The following MSH3 variants were observed in gnomAD, a reference collection of about 807,000 sequenced individuals.
The protein encoded by MSH3 is mutS homolog 3, also known as DNA mismatch repair protein Msh3.
A neutral mutation model predicts 123.3 loss-of-function variants in MSH3; 106 were observed. The ratio of observed to expected loss-of-function variants is 0.86; its 90% confidence interval spans 0.73 to 1.01. The LOEUF (loss-of-function observed/expected upper bound fraction) is 1.01. Ranked by LOEUF, MSH3 falls within the 50% of genes least tolerant of loss-of-function variation. The pLI, the probability that MSH3 is intolerant of heterozygous loss-of-function variation, is 0.00. For missense variants in MSH3, 1,459 were observed against 1,347.6 expected (o/e 1.08, Z -1.29); for synonymous variants, 515 against 481.4 (o/e 1.07, Z -0.91).
chr5:80,844,598 A>G (rs1171515837), intron 20 of MSH3, among the ~76,000 whole-genome samples: 2 of 152,140 alleles, frequency 1.3e-5, no homozygotes, highest in African/African-American at 2.4e-5. Context: ...TTGGGTGCAT[A>G]TATATTTAGG....
intron 19 of MSH3, among the ~76,000 whole-genome samples, chr5:80,796,794 C>G (rs1157523362): frequency 6.6e-6 from 1 of 152,088 alleles, no homozygotes; most frequent in Admixed American, 6.5e-5. Flanking sequence ...TGTCCCCTTC[C>G]TTGATTCACT....
At chr5:80,664,467 T>C (rs1370420704) in intron 2 of MSH3, among the ~76,000 whole-genome samples, 1 of 142,646 alleles carries the variant, frequency 7.0e-6, no homozygotes, top group Non-Finnish European at 1.5e-5. Context: ...TCAGCATACA[T>C]TGTGTCTGTG....
At chr5:80,860,443 GTTT>G (rs199512437) in intron 21 of MSH3, among the ~76,000 whole-genome samples, 1 of 137,250 alleles carries the variant, frequency 7.3e-6, no homozygotes, top group African/African-American at 2.7e-5. Flanking sequence ...GAGGTTTGTT[GTTT>G]TTTTTTTTTT....
chr5:80,762,102 T>G (rs1347956507), intron 13 of MSH3, among the ~76,000 whole-genome samples: 1 of 152,184 alleles, frequency 6.6e-6, no homozygotes. Flanking sequence ...TGGTAGTTAG[T>G]ATGCAAACAA....
At chr5:80,843,164 T>A (rs955769084) in intron 20 of MSH3, among the ~76,000 whole-genome samples, 1 of 152,214 alleles carries the variant, frequency 6.6e-6, no homozygotes, top group Non-Finnish European at 1.5e-5. Context: ...GAGATAATCA[T>A]GTGGTTTTTG....
chr5:80,863,222 T>C (rs536861042), intron 21 of MSH3, among the ~76,000 whole-genome samples: 7 of 152,250 alleles, frequency 4.6e-5, no homozygotes, highest in Admixed American at 3.9e-4. Flanking sequence ...CTGTAAAATA[T>C]TTGAAGAGAT....
chr5:80,726,685 T>A (rs1743307916), intron 9 of MSH3, among the ~76,000 whole-genome samples: 1 of 152,086 alleles, frequency 6.6e-6, no homozygotes, highest in African/African-American at 2.4e-5. Flanking sequence ...CCTAGGCTGG[T>A]CTTGAACTCC....
intron 10 of MSH3, among the ~76,000 whole-genome samples, chr5:80,739,235 T>C (rs1743568673): frequency 6.6e-6 from 1 of 152,236 alleles, no homozygotes. Context: ...GGTAACTGGT[T>C]AGATACCAAC....
chr5:80,673,893 C>T (rs558713049), intron 6 of MSH3, among the ~76,000 whole-genome samples: 1 of 152,088 alleles, frequency 6.6e-6, no homozygotes, highest in Non-Finnish European at 1.5e-5. Flanking sequence ...GGAATCAGTT[C>T]TCTGATAATG....
Position 80,665,465 on chromosome 5 carries a change from G to C in MSH3, c.579+102G>C. On this transcript the variant is annotated intron_variant, in intron 3 of 23. Transcript: ENST00000265081. Reference sequence around the variant, plus strand: ...ATTCATGGCAATGGTTCCTAAACTTGGATGGTCTTCTGAATCATCTGAGGG... The same window carrying C: ...ATTCATGGCAATGGTTCCTAAACTTCGATGGTCTTCTGAATCATCTGAGGG... The C allele has an allele frequency of 4.5e-6, 4 of 894,060 alleles. 1 individual carries two copies. The highest frequency in any genetic ancestry group is 3.5e-6 in the Non-Finnish European group (2 of 564,650). 55.4% of individuals were successfully genotyped at this position (894,060 alleles called of 1,614,324 possible). A position where few individuals can be genotyped will look rare whatever the true frequency, so the allele number is the denominator to read the frequency against.
intron 2 of MSH3, among the ~76,000 whole-genome samples, chr5:80,658,840 C>T (rs1325519629): frequency 2.0e-5 from 3 of 152,210 alleles, no homozygotes; most frequent in Non-Finnish European, 4.4e-5. Flanking sequence ...CCAAGCCATC[C>T]TCCTGCCTCA....
chr5:80,706,698 T>C (rs1284856092), intron 8 of MSH3, among the ~76,000 whole-genome samples: 1 of 152,208 alleles, frequency 6.6e-6, no homozygotes, highest in East Asian at 1.9e-4. Flanking sequence ...GAGAGATATT[T>C]CTCACCATTG....
chr5:80,806,041 A>G (rs1744884678), intron 19 of MSH3, among the ~76,000 whole-genome samples: 1 of 145,354 alleles, frequency 6.9e-6, no homozygotes, highest in Non-Finnish European at 1.6e-5. Context: ...ATTTTTTATA[A>G]ACATTTTAAA....
chr5:80,833,481 T>C (rs570275356), intron 20 of MSH3, among the ~76,000 whole-genome samples: 129 of 152,358 alleles, frequency 8.5e-4, no homozygotes, highest in Non-Finnish European at 1.2e-3. Context: ...TCTCGCTCTG[T>C]CGCCAGGCTG....
chr5:80,833,800 A>G (rs913736504), intron 20 of MSH3, among the ~76,000 whole-genome samples: 1 of 152,254 alleles, frequency 6.6e-6, no homozygotes, highest in African/African-American at 2.4e-5. Context: ...GGCGTGAGCC[A>G]CTGCGCCCAG....
At chr5:80,740,713 CT>C (rs34246815) in intron 10 of MSH3, among the ~76,000 whole-genome samples, 1,424 of 131,318 alleles carry the variant, frequency 0.011, 15 homozygotes, top group African/African-American at 0.031. Context: ...ATGTTAGAAT[CT>C]TTTTTTTTTT....
intron 8 of MSH3, among the ~76,000 whole-genome samples, chr5:80,693,879 C>G (rs540257193): frequency 6.6e-6 from 1 of 152,230 alleles, no homozygotes; most frequent in South Asian, 2.1e-4. Context: ...AGGCTGATCT[C>G]GAACTCCTGA....
rs78315615 is a variant in MSH3 at position 80,692,825 on chromosome 5, A to G, written c.1340+13732A>G. On this transcript the variant is annotated intron_variant, in intron 8 of 23. Coordinates refer to ENST00000265081, the MANE Select transcript of MSH3 (RefSeq NM_002439.5). The stretch of plus-strand genomic sequence containing the variant: ...TGTATATGTTTAGATAAATATACAT[A>G]CACATGTATATGTTTAGATAAATAT... Among the ~76,000 whole-genome samples, 808 of 91,626 alleles carry G rather than the reference A, an allele frequency of 8.8e-3. 6 individuals are homozygous for G. The highest frequency in any genetic ancestry group is 0.016 in the Middle Eastern group (1 of 64). 60.1% of individuals were successfully genotyped at this position (91,626 alleles called of 152,430 possible).
chr5:80,718,151 G>C (rs1178972141), intron 8 of MSH3, among the ~76,000 whole-genome samples: 1 of 152,164 alleles, frequency 6.6e-6, no homozygotes, highest in Non-Finnish European at 1.5e-5. Context: ...CACTGTCATA[G>C]CCCTCAGAGG....
Sources: gnomAD v4.1 joint callset for allele counts (sites outside exome capture counted in the v4.1 genomes callset) on GRCh38, gnomAD v4.1.1 for gene constraint, MANE v1.5 for transcripts, NCBI Gene and HGNC (gene_info 2026-07-23, HGNC 2026-07-21) for gene names.